Variants in RBFOX3 observed in about 807,000 individuals in gnomAD.
RBFOX3 encodes RNA binding fox-1 homolog 3, also known as RNA binding protein fox-1 homolog 3.
RBFOX3 carries 17 observed loss-of-function variants against 48.7 expected under a neutral mutation model. The ratio of observed to expected loss-of-function variants is 0.35; its 90% CI spans 0.24 to 0.52. The LOEUF (loss-of-function observed/expected upper bound fraction) is 0.52, where lower values mean the gene tolerates loss of function less well. Ranked by LOEUF, RBFOX3 falls within the 20% of genes least tolerant of loss-of-function variation. The probability of loss-of-function intolerance (pLI) is 0.94; values close to 1 mark genes in which losing one functional copy is unlikely to be tolerated. For synonymous variants in RBFOX3, 212 were observed against 209.5 expected (o/e 1.01, Z -0.10); for missense variants, 382 against 497.5 (o/e 0.77, Z 2.21).
intron 4 of RBFOX3, among the ~76,000 whole-genome samples, chr17:79,122,286 C>T (rs1322831434): frequency 6.6e-6 from 1 of 152,206 alleles, no homozygotes; most frequent in Non-Finnish European, 1.5e-5. Flanking sequence ...CTGTCCTCTG[C>T]ACAGTAGAAC....
intron 1 of RBFOX3, among the ~76,000 whole-genome samples, chr17:79,483,858 C>A (rs1292430335): frequency 6.6e-6 from 1 of 152,174 alleles, no homozygotes; most frequent in Non-Finnish European, 1.5e-5. Context: ...TCATATCCCA[C>A]GATCACACCG....
In RBFOX3 at chr17:79,089,370, A is replaced by G. The variant is rs1369386633; in HGVS notation, c.*1513T>C. On this transcript the variant is annotated 3_prime_UTR_variant, in exon 15 of 15. Transcript: ENST00000693108. ...TCCTGGTTTGAAGAAAGAAATCTTT[A>G]TTAATAATCTTAATAATACTGTTAG... The G allele has an allele frequency of 6.6e-6, 1 of 152,650 alleles. No homozygotes were observed. The highest frequency in any genetic ancestry group is 2.4e-5 in the African/African-American group (1 of 41,450). The allele number at this position is 152,650 out of a possible 1,614,324, so 9.5% of individuals were successfully genotyped here. A position where few individuals can be genotyped will look rare whatever the true frequency, so the allele number is the denominator to read the frequency against.
At chr17:79,215,807 G>A (rs1170338024) in intron 4 of RBFOX3, among the ~76,000 whole-genome samples, 1 of 152,266 alleles carries the variant, frequency 6.6e-6, no homozygotes, top group Non-Finnish European at 1.5e-5. Flanking sequence ...AGCACCCACT[G>A]CCTCGGTGCC....
At chr17:79,318,096 G>T (rs1412030314) in intron 2 of RBFOX3, among the ~76,000 whole-genome samples, 1 of 152,194 alleles carries the variant, frequency 6.6e-6, no homozygotes, top group Non-Finnish European at 1.5e-5. Context: ...TGCTGACAAA[G>T]TTGCTGAGTA....
rs546625439 is a variant in RBFOX3 at position 79,198,149 on chromosome 17, G to C, written c.-34+37617C>G. ...CGGAAGTGCTACGGTTGCATCGTGT[G>C]GGGTGGGCTGTCATCCCGGAAGTGC... On this transcript the variant is annotated intron_variant, in intron 4 of 14. Transcript: ENST00000693108. This position sits in a 1 kb window ranked among gnomAD's most constrained non-coding sequence, Gnocchi z 8.2. Among the ~76,000 whole-genome samples, 1 of 152,286 alleles carries C rather than the reference G, an allele frequency of 6.6e-6. No homozygotes were observed. The highest frequency in any genetic ancestry group is 2.4e-5 in the African/African-American group (1 of 41,550).
At chr17:79,608,746 A>C (rs941787254) in intron 1 of RBFOX3, among the ~76,000 whole-genome samples, 2 of 152,196 alleles carry the variant, frequency 1.3e-5, no homozygotes, top group Admixed American at 1.3e-4. Context: ...ATGAAGGGTT[A>C]AGCGTTGCTT....
At chr17:79,092,431 C>T in intron 14 of RBFOX3, 1 of 985,720 alleles carries the variant, frequency 1.0e-6, no homozygotes, top group Non-Finnish European at 1.2e-6. Flanking sequence ...GACCAACTGG[C>T]TGGAGAGAAA....
intron 4 of RBFOX3, among the ~76,000 whole-genome samples, chr17:79,175,482 G>A (rs1237245775): frequency 6.6e-6 from 1 of 152,274 alleles, no homozygotes; most frequent in Non-Finnish European, 1.5e-5. Flanking sequence ...TGTGGGCACT[G>A]GCCGAGGGTG....
rs558777068 is a variant in RBFOX3, at chr17:79,156,164, G to A, written c.-33-40416C>T. 7.9e-5 allele frequency among the ~76,000 whole-genome samples: 12 copies of A among 152,312 alleles called. No individual in the cohort carries two copies. In the East Asian group the frequency reaches 1.5e-3, roughly 20 times the overall value. On this transcript the variant is annotated intron_variant, in intron 4 of 14. Transcript: ENST00000693108. Reference sequence around the variant, plus strand: ...AGGATGCGCCCGCCTCATTTGCTACGCTCTGAACTTTCTGGGGGTCTTGGA... The same window carrying A: ...AGGATGCGCCCGCCTCATTTGCTACACTCTGAACTTTCTGGGGGTCTTGGA...
chr17:79,164,380 C>T (rs925624873), intron 4 of RBFOX3, among the ~76,000 whole-genome samples: 1 of 152,196 alleles, frequency 6.6e-6, no homozygotes, highest in East Asian at 1.9e-4. Context: ...TGAAGACCCC[C>T]AAGATACAGG....
chr17:79,610,712 C>T (rs1380157093), intron 1 of RBFOX3, among the ~76,000 whole-genome samples, 114 bp downstream of exon 1: 1 of 152,092 alleles, frequency 6.6e-6, no homozygotes, highest in Non-Finnish European at 1.5e-5. Context: ...CAGCAGCCCG[C>T]CTCCCACTGC....
chr17:79,156,172 C>T (rs1335663016), intron 4 of RBFOX3, among the ~76,000 whole-genome samples: 1 of 152,214 alleles, frequency 6.6e-6, no homozygotes, highest in East Asian at 1.9e-4. Context: ...ACGCTCTGAA[C>T]TTTCTGGGGG....
At chr17:79,436,680 G>A (rs1020410419) in intron 2 of RBFOX3, among the ~76,000 whole-genome samples, 1 of 152,142 alleles carries the variant, frequency 6.6e-6, no homozygotes, top group Non-Finnish European at 1.5e-5. Context: ...GAACAAAGGC[G>A]CCTGCTTATG....
intron 4 of RBFOX3, among the ~76,000 whole-genome samples, chr17:79,155,329 C>T (rs182113090): frequency 1.3e-5 from 2 of 152,320 alleles, no homozygotes; most frequent in African/African-American, 4.8e-5. Flanking sequence ...TTCCCCTCCC[C>T]GCTCCTCGGG....
intron 3 of RBFOX3, among the ~76,000 whole-genome samples, chr17:79,301,411 C>T (rs1452713885): frequency 2.0e-5 from 3 of 152,308 alleles, no homozygotes; most frequent in Non-Finnish European, 4.4e-5. Flanking sequence ...GGGAACACTG[C>T]CTTGGTGGCA....
At chr17:79,513,108 AG>A (rs2084709419) in intron 1 of RBFOX3, among the ~76,000 whole-genome samples, 1 of 152,028 alleles carries the variant, frequency 6.6e-6, no homozygotes, top group African/African-American at 2.4e-5. Context: ...CCCCATAACC[AG>A]GGGACACACA....
At chr17:79,227,930 G>A (rs553033774) in intron 4 of RBFOX3, among the ~76,000 whole-genome samples, 24 of 152,290 alleles carry the variant, frequency 1.6e-4, no homozygotes, top group Admixed American at 5.2e-4. Flanking sequence ...CACCAACAGC[G>A]ATAAAACCCA....
At chr17:79,623,204 C>T in the RBFOX3 span, among the ~76,000 whole-genome samples, 14 of 152,182 alleles carry the variant, frequency 9.2e-5, no homozygotes, top group African/African-American at 2.4e-4. Context: ...ACTTGATAGA[C>T]GCAGAGCAAG....
rs71161661 is a variant in RBFOX3, at chr17:79,336,389, A to AAAATAAATAAAT, written c.-174-28577_-174-28566dup. Among the ~76,000 whole-genome samples, 368 of 146,908 alleles carry AAAATAAATAAAT rather than the reference A, an allele frequency of 2.5e-3. 1 individual carries two copies. Among genetic ancestry groups the AAAATAAATAAAT allele is most frequent in the African/African-American group, 8.8e-3 (348 of 39,482 alleles). On this transcript the variant is annotated intron_variant, in intron 2 of 14. Transcript: ENST00000693108. The stretch of plus-strand genomic sequence containing the variant: ...GCGACAGAGTGAGATTTCATCTCAA[A>AAAATAAATAAAT]AAATAAATAAATAAATAAATAAATA...
Sources: gnomAD v4.1 joint callset for allele counts (sites outside exome capture counted in the v4.1 genomes callset) on GRCh38, gnomAD v4.1.1 for gene constraint, Gnocchi (gnomAD v3.1) non-coding constraint, MANE v1.5 for transcripts, NCBI Gene and HGNC (gene_info 2026-07-23, HGNC 2026-07-21) for gene names.